Variants in SP100 observed in about 807,000 individuals in gnomAD.
SP100 encodes the protein SP100 nuclear body protein, also known as nuclear autoantigen Sp-100.
Under a neutral mutation model 130.0 loss-of-function variants are expected in SP100, and 84 were observed. The observed-to-expected ratio is 0.65, with a 90% CI of 0.54 to 0.77. SP100 has a LOEUF of 0.77. Ranked by LOEUF, SP100 falls within the 30% of genes least tolerant of loss-of-function variation. The pLI, the probability that SP100 is intolerant of heterozygous loss-of-function variation, is 0.00. For synonymous variants in SP100, 331 were observed against 351.7 expected (o/e 0.94, Z 0.66); for missense variants, 978 against 1,052.2 (o/e 0.93, Z 0.97).
At chr2:230,502,229 A>G (rs1175323985) in intron 19 of SP100, among the ~76,000 whole-genome samples, 1 of 151,980 alleles carries the variant, frequency 6.6e-6, no homozygotes, top group Admixed American at 6.6e-5. Context: ...TTAACCATAC[A>G]ACTCTTAGGC....
At chr2:230,540,141 T>C (rs985542196) in intron 25 of SP100, among the ~76,000 whole-genome samples, 1 of 152,180 alleles carries the variant, frequency 6.6e-6, no homozygotes, top group African/African-American at 2.4e-5. Context: ...GTTGAGCCCT[T>C]GTATAGCCCC....
intron 24 of SP100, among the ~76,000 whole-genome samples, chr2:230,529,682 A>G (rs935846920): frequency 2.2e-4 from 34 of 152,224 alleles, no homozygotes; most frequent in African/African-American, 7.2e-4. Flanking sequence ...AGAAAATCCC[A>G]TCGTCTCAGC....
chr2:230,457,386 G>A (rs927861236), intron 8 of SP100, among the ~76,000 whole-genome samples: 2 of 152,230 alleles, frequency 1.3e-5, no homozygotes, highest in Admixed American at 6.5e-5. Context: ...AAATAGTGCT[G>A]TAGGAGGCTG....
chr2:230,511,136 A>G lies in SP100; in HGVS notation c.2064A>G (p.Glu688=), dbSNP rs1690557635. ...PPSTRKKRIL[E]SHNNTLVDPC... Reference sequence around the variant, plus strand: ...GTTTTTTTCAACAGAGAATACTGGAATCTCACAACAATACCTTAGTTGACC... The same window carrying G: ...GTTTTTTTCAACAGAGAATACTGGAGTCTCACAACAATACCTTAGTTGACC... Residue 688 remains glutamate (E), a synonymous_variant, in exon 24 of 29, where the codon GAA becomes GAG. Transcript: ENST00000340126. 6.2e-7 allele frequency: 1 copy of G among 1,609,058 alleles called. No individual in the cohort carries two copies. Among genetic ancestry groups the G allele is most frequent in the Non-Finnish European group, 8.5e-7 (1 of 1,175,490 alleles).
intron 17 of SP100, among the ~76,000 whole-genome samples, chr2:230,476,053 G>A (rs2065530063): frequency 6.6e-6 from 1 of 152,158 alleles, no homozygotes; most frequent in African/African-American, 2.4e-5. Flanking sequence ...TTTTAGAATA[G>A]ATTTTTCTAA....
At chr2:230,531,474 G>A (rs1218027227) in intron 24 of SP100, among the ~76,000 whole-genome samples, 1 of 151,702 alleles carries the variant, frequency 6.6e-6, no homozygotes, top group African/African-American at 2.4e-5. Flanking sequence ...AACCAACATG[G>A]CACATGTATA....
chr2:230,523,532 A>C (rs776255966), intron 24 of SP100, among the ~76,000 whole-genome samples: 2 of 152,126 alleles, frequency 1.3e-5, no homozygotes, highest in Non-Finnish European at 1.5e-5. Flanking sequence ...AAAGCAAAAC[A>C]GTATTCATTA....
chr2:230,538,616 G>A (rs192497679), intron 24 of SP100: 8 of 152,328 alleles, frequency 5.3e-5, no homozygotes, highest in African/African-American at 1.7e-4. Context: ...CTTTGTAGAG[G>A]AAGAGAAATT....
intron 17 of SP100, among the ~76,000 whole-genome samples, chr2:230,477,226 A>G (rs1182830153): frequency 1.3e-5 from 2 of 152,016 alleles, no homozygotes; most frequent in Non-Finnish European, 2.9e-5. Flanking sequence ...GAACTCTTAA[A>G]TATTATATAT....
At chr2:230,449,473 C>T (rs2063864180) in intron 6 of SP100, 88 bp from the exon 7 acceptor site, 1 of 1,439,766 alleles carries the variant, frequency 6.9e-7, no homozygotes, top group Admixed American at 1.7e-5. Flanking sequence ...GACCTTACGT[C>T]CATCAGTGGC....
chr2:230,503,131 T>C (rs371011909), intron 20 of SP100, 21 bp downstream of exon 20: 10 of 1,530,072 alleles, frequency 6.5e-6, no homozygotes, highest in African/African-American at 1.4e-5. Context: ...GTGATCGATA[T>C]GTTTTTCATA....
intron 24 of SP100, among the ~76,000 whole-genome samples, chr2:230,517,679 C>T (rs530797611): frequency 1.1e-4 from 16 of 151,794 alleles, no homozygotes; most frequent in Non-Finnish European, 1.9e-4. Flanking sequence ...GCAGAAGAAT[C>T]GCTTGAGCCC....
At chr2:230,469,932 G>T in intron 14 of SP100, 83 bp from the exon 15 acceptor site, 3 of 1,525,716 alleles carry the variant, frequency 2.0e-6, no homozygotes, top group Admixed American at 4.2e-5. Flanking sequence ...AGCTTCTCTT[G>T]TTCAGTTTTG....
At chr2:230,486,733 G>A (rs527335267) in intron 17 of SP100, among the ~76,000 whole-genome samples, 1 of 152,200 alleles carries the variant, frequency 6.6e-6, no homozygotes, top group East Asian at 1.9e-4. Flanking sequence ...TCTGGTTCCA[G>A]ATCCTTGAGG....
rs1690101923 is a variant in SP100, at chr2:230,506,294, G to A, written c.1871-9G>A. 3 of 1,613,450 alleles carry A rather than the reference G, an allele frequency of 1.9e-6. No homozygotes were observed. Among genetic ancestry groups the A allele is most frequent in the Non-Finnish European group, 1.7e-6 (2 of 1,179,558 alleles). On this transcript the variant is annotated splice_polypyrimidine_tract_variant and intron_variant, in intron 21 of 28. Transcript: ENST00000340126. Reference sequence around the variant, plus strand: ...CAGTTGGGGAGCTCACTTTGCCTTGGTCTTACAGGAACCTCAAAGAAGTGT... The same window carrying A: ...CAGTTGGGGAGCTCACTTTGCCTTGATCTTACAGGAACCTCAAAGAAGTGT...
Position 230,504,260 on chromosome 2 carries a change from G to A in SP100, c.1840G>A (p.Gly614Ser). ...ELPVTCGEVK[G>S]TLYKERFKQG... is the part of the protein sequence containing the mutation. ...TCCTGTGACCTGTGGTGAGGTGAAG[G>A]GCACTCTATATAAGGAGCGATTCAA... Residue 614 changes from glycine (G) to serine (S), a missense_variant, in exon 21 of 29, where the codon GGC becomes AGC. Coordinates refer to ENST00000340126, the MANE Select transcript of SP100 (RefSeq NM_001080391.2). The A allele has an allele frequency of 4.3e-6, 7 of 1,609,604 alleles. No individual in the cohort carries two copies. The highest frequency in any genetic ancestry group is 6.0e-6 in the Non-Finnish European group (7 of 1,176,336).
chr2:230,529,723 T>C (rs536772145), intron 24 of SP100, among the ~76,000 whole-genome samples: 268 of 152,236 alleles, frequency 1.8e-3, no homozygotes, highest in African/African-American at 6.3e-3. Context: ...TAAGCAAATT[T>C]AGCAAAGTCT....
intron 24 of SP100, among the ~76,000 whole-genome samples, chr2:230,526,642 A>C (rs1023035078): frequency 3.9e-5 from 6 of 152,188 alleles, no homozygotes; most frequent in Non-Finnish European, 7.3e-5. Context: ...GTTCTAACCC[A>C]CCACAAGGAA....
chr2:230,521,641 G>A (rs1691175145), intron 24 of SP100, among the ~76,000 whole-genome samples: 1 of 152,190 alleles, frequency 6.6e-6, no homozygotes, highest in South Asian at 2.1e-4. Flanking sequence ...TCTGTGCAGT[G>A]AGCAGCTGGA....
Sources: allele counts gnomAD v4.1 joint callset (sites outside exome capture counted in the v4.1 genomes callset), GRCh38; gene constraint gnomAD v4.1.1; transcripts MANE v1.5; gene names NCBI Gene and HGNC (gene_info 2026-07-23, HGNC 2026-07-21).